MGAT4C: variants seen among roughly 807,000 people sequenced by gnomAD.
The protein encoded by MGAT4C is alpha-1,3-mannosyl-glycoprotein 4-beta-N-acetylglucosaminyltransferase C.
Under a neutral mutation model 40.1 loss-of-function variants are expected in MGAT4C, and 19 were observed. The ratio of observed to expected loss-of-function variants is 0.47; its 90% CI spans 0.33 to 0.70. The LOEUF (loss-of-function observed/expected upper bound fraction) is 0.70. Ranked by LOEUF, MGAT4C falls within the 30% of genes least tolerant of loss-of-function variation. The pLI, the probability that MGAT4C is intolerant of heterozygous loss-of-function variation, is 0.02. For synonymous variants in MGAT4C, 181 were observed against 187.1 expected, an observed-to-expected ratio of 0.97 and a Z score of 0.27; for missense variants, 491 against 563.2, an observed-to-expected ratio of 0.87 and a Z score of 1.30.
chr12:86,158,566 C>A (rs1169735158), intron 1 of MGAT4C, among the ~76,000 whole-genome samples: 2 of 152,002 alleles, frequency 1.3e-5, no homozygotes, highest in Admixed American at 6.6e-5. Context: ...AACACAGAAC[C>A]AGATGCTGAA....
intron 1 of MGAT4C, among the ~76,000 whole-genome samples, chr12:86,109,548 A>G (rs528798504): frequency 6.6e-6 from 1 of 152,074 alleles, no homozygotes; most frequent in African/African-American, 2.4e-5. Context: ...AAATGATGTT[A>G]TGTCAGTATT....
At chr12:86,619,020 T>C (rs1962553322) in intron 2 of MGAT4C, among the ~76,000 whole-genome samples, 1 of 151,796 alleles carries the variant, frequency 6.6e-6, no homozygotes, top group African/African-American at 2.4e-5. Context: ...ATAAAAATAA[T>C]GCATCTAACA....
chr12:86,669,570 A>T (rs781540478), intron 2 of MGAT4C, among the ~76,000 whole-genome samples: 1 of 152,202 alleles, frequency 6.6e-6, no homozygotes, highest in Non-Finnish European at 1.5e-5. Context: ...TCCATGACTA[A>T]ACACACCTCT....
rs546010664 is a variant in MGAT4C at position 86,131,016 on chromosome 12, C to T, written c.-56-81293G>A. 3.1e-3 allele frequency among the ~76,000 whole-genome samples: 479 copies of T among 152,118 alleles called. 1 individual carries two copies. The highest frequency in any genetic ancestry group is 0.011 in the African/African-American group (438 of 41,528). On this transcript the variant is annotated intron_variant, in intron 1 of 4. Transcript: ENST00000611864. ...GTTATTATATAATAACTAATTCATA[C>T]TTTGTTAGTTCATCAGTGATAGAAC...
chr12:85,970,532 T>C lies in MGAT4C; in HGVS notation c.*8757A>G, dbSNP rs1883571231. 6.6e-6 allele frequency: 1 copy of C among 151,314 alleles called. No individual in the cohort carries two copies. Among genetic ancestry groups the C allele is most frequent in the Non-Finnish European group, 1.5e-5 (1 of 67,384 alleles). 9.4% of individuals were successfully genotyped at this position (151,314 alleles called of 1,614,324 possible). ...TATCCAGCTATAATTCTTCTAAACA[T>C]GTCTTGTAATTTTTAAGTTTGCATG... is the stretch of plus-strand genomic sequence containing the variant. On this transcript the variant is annotated 3_prime_UTR_variant, in exon 5 of 5. Coordinates refer to ENST00000611864, the MANE Select transcript of MGAT4C (RefSeq NM_001351288.2).
chr12:86,343,532 T>G (rs1297470862), intron 3 of MGAT4C, among the ~76,000 whole-genome samples: 1 of 152,210 alleles, frequency 6.6e-6, no homozygotes, highest in African/African-American at 2.4e-5. Context: ...TTAAGCCTAT[T>G]GCCCAAAAAT....
At chr12:86,267,733 A>ACATATTTT (rs1220758250) in intron 4 of MGAT4C, among the ~76,000 whole-genome samples, 1 of 152,184 alleles carries the variant, frequency 6.6e-6, no homozygotes, top group African/African-American at 2.4e-5. Context: ...ACACCATTGA[A>ACATATTTT]TAAATGCAGA....
intron 2 of MGAT4C, among the ~76,000 whole-genome samples, chr12:86,675,108 C>T (rs746562487): frequency 2.6e-5 from 4 of 152,108 alleles, no homozygotes; most frequent in East Asian, 1.9e-4. Flanking sequence ...TACATGTCAT[C>T]GTCAAAATTT....
chr12:86,197,321 AT>A, intron 1 of MGAT4C, among the ~76,000 whole-genome samples: 1 of 152,338 alleles, frequency 6.6e-6, no homozygotes, highest in South Asian at 2.1e-4. Flanking sequence ...GTATATATGT[AT>A]GTGTGTATAC....
chr12:86,796,019 T>G (rs546439465), intron 1 of MGAT4C, among the ~76,000 whole-genome samples: 78 of 152,080 alleles, frequency 5.1e-4, no homozygotes, highest in African/African-American at 1.9e-3. Context: ...TTCAAAAAAT[T>G]TACACGCTTT....
chr12:86,347,155 T>G (rs550572250), intron 3 of MGAT4C, among the ~76,000 whole-genome samples: 1 of 152,280 alleles, frequency 6.6e-6, no homozygotes, highest in Non-Finnish European at 1.5e-5. Context: ...TGTTATCGTC[T>G]GAGTCAATTC....
At chr12:86,700,692 C>T (rs1325660473) in intron 2 of MGAT4C, among the ~76,000 whole-genome samples, 1 of 152,014 alleles carries the variant, frequency 6.6e-6, no homozygotes, top group South Asian at 2.1e-4. Flanking sequence ...CATAACTTTC[C>T]TGTGGAATGC....
intron 2 of MGAT4C, among the ~76,000 whole-genome samples, chr12:86,548,186 A>G (rs950636907): frequency 6.6e-6 from 1 of 152,140 alleles, no homozygotes; most frequent in Non-Finnish European, 1.5e-5. Flanking sequence ...ACTCAGGATC[A>G]ATAGGAATAT....
intron 2 of MGAT4C, among the ~76,000 whole-genome samples, chr12:86,477,474 G>T (rs912413375): frequency 6.6e-5 from 10 of 151,708 alleles, no homozygotes; most frequent in African/African-American, 2.4e-4. Flanking sequence ...TAAGATCATT[G>T]GTACCCAAGC....
intron 2 of MGAT4C, among the ~76,000 whole-genome samples, chr12:86,544,962 C>T (rs1186220251): frequency 5.9e-5 from 9 of 152,040 alleles, no homozygotes; most frequent in Admixed American, 4.6e-4. Context: ...GTTTTATACT[C>T]ACTGTTAACC....
At chr12:86,228,662 G>GA (rs148479332) in intron 1 of MGAT4C, among the ~76,000 whole-genome samples, 15 of 149,776 alleles carry the variant, frequency 1.0e-4, no homozygotes, top group South Asian at 6.3e-4. Context: ...TTGCATTTGT[G>GA]AAAAAAAAAA....
chr12:86,202,328 T>G (rs1020795820), intron 1 of MGAT4C, among the ~76,000 whole-genome samples: 1 of 152,106 alleles, frequency 6.6e-6, no homozygotes, highest in Non-Finnish European at 1.5e-5. Context: ...TGACTAGATA[T>G]TAAAGATTGT....
chr12:86,357,643 T>C (rs910301024), intron 3 of MGAT4C, among the ~76,000 whole-genome samples: 8 of 152,110 alleles, frequency 5.3e-5, no homozygotes, highest in Non-Finnish European at 8.8e-5. Context: ...AATGACCTGA[T>C]GGAGCTGAAA....
intron 1 of MGAT4C, among the ~76,000 whole-genome samples, chr12:86,126,723 G>A (rs954179580): frequency 3.9e-5 from 6 of 152,128 alleles, no homozygotes; most frequent in Non-Finnish European, 8.8e-5. Context: ...TTAACAACAG[G>A]AATATGTTCT....
Sources: allele counts gnomAD v4.1 joint callset (sites outside exome capture counted in the v4.1 genomes callset), GRCh38; gene constraint gnomAD v4.1.1; transcripts MANE v1.5; gene names NCBI Gene and HGNC (gene_info 2026-07-23, HGNC 2026-07-21).